Variants in INSC observed in about 807,000 individuals in gnomAD.
The protein encoded by INSC is protein inscuteable homolog.
Under a neutral mutation model 58.6 loss-of-function variants are expected in INSC, and 67 were observed. The ratio of observed to expected loss-of-function variants is 1.14; its 90% CI spans 0.94 to 1.40. INSC has a LOEUF of 1.40. Ranked by LOEUF, INSC falls within the 40% of genes most tolerant of loss-of-function variation. The pLI is 0.00. For synonymous variants in INSC, 262 were observed against 276.1 expected (o/e 0.95, Z 0.51); for missense variants, 714 against 692.0 (o/e 1.03, Z -0.36).
chr11:15,124,398 T>G (rs1025746102), intron 1 of INSC, among the ~76,000 whole-genome samples: 10 of 152,116 alleles, frequency 6.6e-5, no homozygotes, highest in Non-Finnish European at 1.5e-4. Flanking sequence ...TCATTGGTGA[T>G]GAGAAATTAG....
chr11:15,142,721 C>T (rs58727163), intron 1 of INSC, among the ~76,000 whole-genome samples: 118 of 151,438 alleles, frequency 7.8e-4, no homozygotes, highest in African/African-American at 2.7e-3. Flanking sequence ...GGTACGACCA[C>T]GCAGTGAGGA....
chr11:15,218,194 C>A (rs531657435), intron 7 of INSC, among the ~76,000 whole-genome samples: 14 of 152,196 alleles, frequency 9.2e-5, no homozygotes, highest in East Asian at 1.9e-4. Context: ...AAATACCATA[C>A]AACAGTGAAA....
chr11:15,256,307 A>G, the INSC span, among the ~76,000 whole-genome samples: 4 of 152,102 alleles, frequency 2.6e-5, no homozygotes, highest in African/African-American at 9.7e-5. Context: ...TATTCTTTAA[A>G]CCTCAAACTT....
chr11:15,167,103 A>AT (rs879372040), intron 2 of INSC, among the ~76,000 whole-genome samples: 3,438 of 145,986 alleles, frequency 0.024, 114 homozygotes, highest in African/African-American at 0.075. Context: ...AATTCTGTCT[A>AT]TTTTTTTTTT....
Position 15,221,497 on chromosome 11 carries a change from GGC to G in INSC, c.841_842del (p.Ala281ArgfsTer15). 1 of 1,612,228 alleles carries G rather than the reference GGC, an allele frequency of 6.2e-7. No homozygotes were observed. Among genetic ancestry groups the G allele is most frequent in the Non-Finnish European group, 8.5e-7 (1 of 1,179,026 alleles). ...LEKVDGVLCL[A>X]DILTDNSHSE... is the part of the protein sequence containing the mutation. ...TGCAGGTGGATGGCGTTCTGTGCTT[GGC>G]CGACATCCTGACCGACAACAGCCAC... is the stretch of plus-strand genomic sequence containing the variant. On this transcript the variant is annotated frameshift_variant, in exon 8 of 13. Coordinates refer to ENST00000379556, the MANE Select transcript of INSC (RefSeq NM_001042536.3). LOFTEE classifies it high-confidence loss of function.
Position 15,191,764 on chromosome 11 carries a change from T to C in INSC, c.693+950T>C, listed in dbSNP as rs376883115. On this transcript the variant is annotated intron_variant, in intron 6 of 12. Coordinates refer to ENST00000379556, the MANE Select transcript of INSC (RefSeq NM_001042536.3). ...TCACCACCAACTCGGAGGTTTGTTC[T>C]CTGGGTTCCCATCCAGTGCCCTTAG... Among the ~76,000 whole-genome samples, 6 of 152,202 alleles carry C rather than the reference T, an allele frequency of 3.9e-5. No homozygotes were observed. In the South Asian group the frequency reaches 8.3e-4, roughly 21 times the overall value.
intron 7 of INSC, among the ~76,000 whole-genome samples, chr11:15,219,125 AAAGC>A (rs1442482161): frequency 6.6e-6 from 1 of 152,130 alleles, no homozygotes; most frequent in Non-Finnish European, 1.5e-5. Context: ...GAGCTGTTAA[AAAGC>A]AGATTCTCAA....
At chr11:15,208,684 A>G (rs1254735139) in intron 7 of INSC, among the ~76,000 whole-genome samples, 1 of 152,234 alleles carries the variant, frequency 6.6e-6, no homozygotes. Context: ...CGCCAGGTCC[A>G]ACCTGAGTTT....
intron 7 of INSC, among the ~76,000 whole-genome samples, chr11:15,207,145 G>C (rs999193950): frequency 6.6e-6 from 1 of 152,098 alleles, no homozygotes; most frequent in African/African-American, 2.4e-5. Flanking sequence ...GGAGATGTTA[G>C]GGATAGGAAG....
intron 11 of INSC, 116 bp downstream of exon 11, chr11:15,239,190 C>G (rs1852248416): frequency 3.1e-6 from 4 of 1,299,930 alleles, no homozygotes; most frequent in Non-Finnish European, 4.2e-6. Flanking sequence ...GGCATAAGCC[C>G]TGTCTCTGGG....
At position 15,245,969 on chromosome 11, in the gene INSC, C is replaced by T. The variant is rs762590565; in HGVS notation, c.1528C>T (p.Gln510Ter). ...TGAAGGCCTCCAGGACTCTGACTTT[C>T]AGCAGTTGGTCCAGCCTCGGCTGGT... ...CPEGLQDSDF[Q>*]QLVQPRLVDS... Residue 510 changes from glutamine (Q) to a stop codon, truncating the protein, a stop_gained, in exon 13 of 13, where the codon CAG (glutamine) becomes TAG (stop). Transcript: ENST00000379556. LOFTEE classifies it high-confidence loss of function. 3.7e-6 allele frequency: 6 copies of T among 1,614,094 alleles called. No homozygotes were observed. The highest frequency in any genetic ancestry group is 3.3e-5 in the Admixed American group (2 of 60,010).
chr11:15,153,644 T>G (rs1160642542), intron 2 of INSC, among the ~76,000 whole-genome samples: 1 of 152,190 alleles, frequency 6.6e-6, no homozygotes, highest in Non-Finnish European at 1.5e-5. Flanking sequence ...AAACATAGGG[T>G]GTGACCCTGA....
intron 2 of INSC, among the ~76,000 whole-genome samples, chr11:15,155,248 GT>G (rs1253725926): frequency 6.6e-6 from 1 of 152,112 alleles, no homozygotes; most frequent in African/African-American, 2.4e-5. Flanking sequence ...TGTTTCTTCT[GT>G]TTGAAACTCT....
chr11:15,118,530 A>T (rs1847790779), intron 1 of INSC, among the ~76,000 whole-genome samples: 1 of 152,156 alleles, frequency 6.6e-6, no homozygotes, highest in Non-Finnish European at 1.5e-5. Flanking sequence ...TGCCTTCAAG[A>T]TATATCCTCC....
At chr11:15,131,426 T>A (rs535009523) in intron 1 of INSC, among the ~76,000 whole-genome samples, 125 of 152,180 alleles carry the variant, frequency 8.2e-4, no homozygotes, top group African/African-American at 2.9e-3. Context: ...AAAAGAATGA[T>A]TCATGAGTGC....
rs78446590 is a variant in INSC at position 15,243,302 on chromosome 11, G to T, written c.1471-2610G>T. ...CCCAAGGCGTTTCCCAGCTTCAAAGGCTCCCTTCAGGTAGAGGGAGGAAGT... is the reference window on the plus strand; with the variant it reads ...CCCAAGGCGTTTCCCAGCTTCAAAGTCTCCCTTCAGGTAGAGGGAGGAAGT... On this transcript the variant is annotated intron_variant, in intron 12 of 12. Transcript: ENST00000379556. Among the ~76,000 whole-genome samples the T allele has an allele frequency of 2.6e-5, 4 of 152,240 alleles. No homozygotes were observed. The East Asian group carries it at 5.8e-4, about 22-fold the overall frequency.
intron 2 of INSC, among the ~76,000 whole-genome samples, chr11:15,160,518 T>A (rs952906411): frequency 4.7e-4 from 71 of 152,186 alleles, no homozygotes; most frequent in African/African-American, 1.5e-3. Context: ...GGTGTTCTTG[T>A]GGCTTATATC....
chr11:15,239,129 A>G, intron 11 of INSC, 55 bp downstream of exon 11: 2 of 1,559,628 alleles, frequency 1.3e-6, no homozygotes, highest in Non-Finnish European at 1.7e-6. Context: ...TGGGGGTGGG[A>G]GCAGCTCTGA....
the INSC span, among the ~76,000 whole-genome samples, chr11:15,253,436 T>C: frequency 2.0e-5 from 3 of 152,140 alleles, no homozygotes; most frequent in African/African-American, 7.2e-5. Flanking sequence ...AGCTCCATCA[T>C]GTCTTATCTC....
Sources: allele counts gnomAD v4.1 joint callset (sites outside exome capture counted in the v4.1 genomes callset), GRCh38; gene constraint gnomAD v4.1.1; transcripts MANE v1.5; gene names NCBI Gene and HGNC (gene_info 2026-07-23, HGNC 2026-07-21).